TNKS: variants seen among roughly 807,000 people sequenced by gnomAD.
The protein encoded by TNKS is tankyrase.
TNKS carries 72 observed loss-of-function variants against 135.8 expected under a neutral mutation model. The observed-to-expected ratio is 0.53, with a 90% confidence interval of 0.44 to 0.64. The LOEUF (loss-of-function observed/expected upper bound fraction) is 0.64. Ranked by LOEUF, TNKS falls within the 30% of genes least tolerant of loss-of-function variation. TNKS has a pLI of 0.00. For synonymous variants in TNKS, 849 were observed against 649.3 expected (o/e 1.31, Z -4.68); for missense variants, 1,769 against 1,674.0 (o/e 1.06, Z -0.99).
intron 1 of TNKS, among the ~76,000 whole-genome samples, chr8:9,569,972 A>G (rs969395552): frequency 3.3e-5 from 5 of 151,644 alleles, no homozygotes; most frequent in East Asian, 1.9e-4. Flanking sequence ...GTTTTCTTCT[A>G]TTGCTTCTCC....
intron 1 of TNKS, among the ~76,000 whole-genome samples, chr8:9,579,098 C>G (rs931293123): frequency 2.0e-5 from 3 of 152,112 alleles, no homozygotes; most frequent in South Asian, 2.1e-4. Flanking sequence ...CATCCTTAGA[C>G]TACTTGAGAC....
chr8:9,757,173 C>T (rs959270981), intron 20 of TNKS, among the ~76,000 whole-genome samples: 22 of 152,104 alleles, frequency 1.4e-4, no homozygotes, highest in African/African-American at 5.3e-4. Flanking sequence ...GATGGGGTTT[C>T]ACCATGTTGG....
chr8:9,605,499 T>C (rs1210348607), intron 2 of TNKS, among the ~76,000 whole-genome samples: 1 of 152,104 alleles, frequency 6.6e-6, no homozygotes, highest in Non-Finnish European at 1.5e-5. Context: ...TTTGAGTAAA[T>C]ACTTAAGACT....
chr8:9,727,319 CAT>C (rs2128815697), intron 13 of TNKS, among the ~76,000 whole-genome samples: 1 of 152,160 alleles, frequency 6.6e-6, no homozygotes, highest in East Asian at 1.9e-4. Flanking sequence ...CAAATATAGT[CAT>C]ATTCTAATAC....
intron 26 of TNKS, 35 bp from the exon 27 acceptor site, chr8:9,776,615 G>C (rs1332388694): frequency 6.3e-7 from 1 of 1,597,596 alleles, no homozygotes; most frequent in East Asian, 2.2e-5. Flanking sequence ...GTGCCTACTA[G>C]AAGGGTGATT....
At chr8:9,669,207 A>C (rs149166837) in intron 3 of TNKS, among the ~76,000 whole-genome samples, 11,323 of 151,466 alleles carry the variant, frequency 0.075, 455 homozygotes, top group South Asian at 0.16. Context: ...TCATGAGGTC[A>C]GGAGATCGAG....
chr8:9,711,494 G>A (rs1294819282), intron 11 of TNKS, among the ~76,000 whole-genome samples: 1 of 152,190 alleles, frequency 6.6e-6, no homozygotes, highest in Non-Finnish European at 1.5e-5. Flanking sequence ...TAGTGACCCT[G>A]ACAAGGGACA....
intron 3 of TNKS, among the ~76,000 whole-genome samples, chr8:9,675,091 C>G (rs1213100221): frequency 6.6e-6 from 1 of 152,178 alleles, no homozygotes; most frequent in Admixed American, 6.5e-5. Flanking sequence ...ATCAGTCTGT[C>G]TGAATATTGC....
intron 3 of TNKS, among the ~76,000 whole-genome samples, chr8:9,644,997 T>C (rs1252952136): frequency 1.3e-5 from 2 of 152,190 alleles, no homozygotes; most frequent in Non-Finnish European, 2.9e-5. Context: ...TAAGCTATGA[T>C]GTATCATGGG....
At chr8:9,581,553 T>C (rs1400826968) in intron 2 of TNKS, among the ~76,000 whole-genome samples, 1 of 152,238 alleles carries the variant, frequency 6.6e-6, no homozygotes, top group East Asian at 1.9e-4. Flanking sequence ...TGTTACTTGC[T>C]TTTGTAAATG....
intron 5 of TNKS, among the ~76,000 whole-genome samples, chr8:9,696,758 C>G (rs1490482007): frequency 6.6e-6 from 1 of 152,046 alleles, no homozygotes; most frequent in African/African-American, 2.4e-5. Context: ...GATGAAAGAT[C>G]TCTACAAGGA....
chr8:9,586,064 A>G (rs1005332932), intron 2 of TNKS, among the ~76,000 whole-genome samples: 2 of 152,170 alleles, frequency 1.3e-5, no homozygotes, highest in Non-Finnish European at 2.9e-5. Context: ...TGTATATTTT[A>G]TATATAATAA....
chr8:9,598,343 G>A (rs1200189049), intron 2 of TNKS, among the ~76,000 whole-genome samples: 4 of 152,008 alleles, frequency 2.6e-5, no homozygotes, highest in Non-Finnish European at 4.4e-5. Flanking sequence ...CACCGCGCCC[G>A]GCCAGTAATG....
chr8:9,712,997 G>A (rs1396932569), intron 11 of TNKS, among the ~76,000 whole-genome samples: 2 of 151,844 alleles, frequency 1.3e-5, no homozygotes, highest in Non-Finnish European at 2.9e-5. Context: ...GCACTTCTTG[G>A]TTATAATTTA....
At chr8:9,757,399 A>G (rs1563214196) in intron 20 of TNKS, among the ~76,000 whole-genome samples, 1 of 152,120 alleles carries the variant, frequency 6.6e-6, no homozygotes, top group Admixed American at 6.6e-5. Context: ...ACCATTTTGA[A>G]CTACAGTACT....
chr8:9,720,514 G>A lies in TNKS; in HGVS notation c.1890G>A (p.Met630Ile). ...ISLQGFTAAQ[M>I]GNEAVQQILS... ...TACAAGGCTTCACAGCAGCACAGAT[G>A]GGCAATGAAGCAGTGCAGCAGATTC... Residue 630 changes from methionine (M) to isoleucine (I), a missense_variant, in exon 12 of 27, where the codon ATG becomes ATA. Coordinates refer to ENST00000310430, the MANE Select transcript of TNKS (RefSeq NM_003747.3). 1 of 1,613,914 alleles carries A rather than the reference G, an allele frequency of 6.2e-7. No homozygotes were observed.
Position 9,708,429 on chromosome 8 carries a change from T to TA in TNKS, c.1522dup (p.Thr508AsnfsTer8). 6.2e-7 allele frequency: 1 copy of TA among 1,610,496 alleles called. No individual in the cohort carries two copies. The highest frequency in any genetic ancestry group is 8.5e-7 in the Non-Finnish European group (1 of 1,178,222). On this transcript the variant is annotated frameshift_variant, in exon 9 of 27. Coordinates refer to ENST00000310430, the MANE Select transcript of TNKS (RefSeq NM_003747.3). LOFTEE classifies it high-confidence loss of function. ...CCAGAGAAGCAGACTTAGCTAAAGT[T>TA]AAAAAAACACTCGCTCTGGAAATCA...
At position 9,641,393 on chromosome 8, in the gene TNKS, C is replaced by G. The variant is rs1018680628; in HGVS notation, c.994+25716C>G. On this transcript the variant is annotated intron_variant, in intron 3 of 26. Coordinates refer to ENST00000310430, the MANE Select transcript of TNKS (RefSeq NM_003747.3). ...TCAAACTGGGTAATTGAGATATTTC[C>G]AAGTGATAATAAAAATGAGTCTGAT... 3.5e-5 allele frequency among the ~76,000 whole-genome samples: 5 copies of G among 143,542 alleles called. 1 individual carries two copies. Among genetic ancestry groups the G allele is most frequent in the Non-Finnish European group, 7.6e-5 (5 of 66,104 alleles). 94.2% of individuals were successfully genotyped at this position (143,542 alleles called of 152,430 possible).
intron 3 of TNKS, among the ~76,000 whole-genome samples, chr8:9,662,061 G>C (rs1801743874): frequency 1.3e-5 from 2 of 152,230 alleles, no homozygotes; most frequent in South Asian, 4.1e-4. Context: ...ACACCTGTTA[G>C]AATGGCGATC....
Sources: allele counts gnomAD v4.1 joint callset (sites outside exome capture counted in the v4.1 genomes callset), GRCh38; gene constraint gnomAD v4.1.1; transcripts MANE v1.5; gene names NCBI Gene and HGNC (gene_info 2026-07-23, HGNC 2026-07-21).